DCC: variants seen among roughly 807,000 people sequenced by gnomAD.
The protein encoded by DCC is DCC netrin 1 receptor, also known as netrin receptor DCC.
A neutral mutation model predicts 172.5 loss-of-function variants in DCC; 58 were observed. The observed-to-expected ratio is 0.34, with a 90% confidence interval of 0.27 to 0.42. The LOEUF is 0.42. Among genes scored for constraint, DCC ranks in the 10% least tolerant of loss-of-function variants. The pLI is 1.00. For missense variants in DCC, 1,740 were observed against 1,791.0 expected (o/e 0.97, Z 0.51); for synonymous variants, 709 against 644.5 (o/e 1.10, Z -1.52).
chr18:53,093,452 T>C (rs2043042202), intron 7 of DCC, among the ~76,000 whole-genome samples: 2 of 152,096 alleles, frequency 1.3e-5, no homozygotes, highest in Admixed American at 1.3e-4. Flanking sequence ...TTTGGGAAAA[T>C]GATCATAAGG....
chr18:53,103,741 A>G lies in DCC; in HGVS notation c.1261+37575A>G, dbSNP rs1386078944. Among the ~76,000 whole-genome samples the G allele has an allele frequency of 3.3e-5, 5 of 152,130 alleles. No individual in the cohort carries two copies. In the East Asian group the frequency reaches 9.7e-4, roughly 29 times the overall value. On this transcript the variant is annotated intron_variant, in intron 7 of 28. Transcript: ENST00000442544. ...TTCTATTTCTTAATATTCTTAGAACAGTATTAAATTTATTAAGACATTAGG... is the reference window on the plus strand; with the variant it reads ...TTCTATTTCTTAATATTCTTAGAACGGTATTAAATTTATTAAGACATTAGG...
At chr18:53,465,891 A>C (rs1326834913) in intron 24 of DCC, among the ~76,000 whole-genome samples, 1 of 151,916 alleles carries the variant, frequency 6.6e-6, no homozygotes, top group Non-Finnish European at 1.5e-5. Flanking sequence ...CAGCCTCCCA[A>C]GTAGCTGGGA....
chr18:52,420,655 A>G (rs1308645097), intron 1 of DCC, among the ~76,000 whole-genome samples: 3 of 152,146 alleles, frequency 2.0e-5, no homozygotes, highest in Non-Finnish European at 4.4e-5. Context: ...AGATAGTAAC[A>G]ATAGTAATTG....
At chr18:53,234,429 A>T (rs2056170276) in intron 12 of DCC, among the ~76,000 whole-genome samples, 1 of 150,848 alleles carries the variant, frequency 6.6e-6, no homozygotes, top group African/African-American at 2.5e-5. Context: ...CCCTGTCTCA[A>T]ATTAAAAAAA....
chr18:52,486,927 T>C (rs2030253467), intron 1 of DCC, among the ~76,000 whole-genome samples: 1 of 152,196 alleles, frequency 6.6e-6, no homozygotes, highest in African/African-American at 2.4e-5. Flanking sequence ...CATATGCTAT[T>C]GTTCTCTGTA....
chr18:53,086,536 TCTTCTTCTTTCTTCTTCTTC>T (rs2042908682), intron 7 of DCC, among the ~76,000 whole-genome samples: 1 of 55,800 alleles, frequency 1.8e-5, no homozygotes, highest in Admixed American at 1.3e-4. Flanking sequence ...TCCTTCTTCT[TCTTCTTCTTTCTTCTTCTTC>T]CTTCTTCTTC....
chr18:52,726,219 A>T (rs1315464829), intron 1 of DCC, among the ~76,000 whole-genome samples: 1 of 152,214 alleles, frequency 6.6e-6, no homozygotes, highest in Non-Finnish European at 1.5e-5. Flanking sequence ...CTAATGTCAC[A>T]CACAGCTGGC....
intron 5 of DCC, among the ~76,000 whole-genome samples, chr18:52,931,277 A>T (rs2040303279): frequency 6.7e-6 from 1 of 148,980 alleles, no homozygotes; most frequent in South Asian, 2.1e-4. Context: ...CTTAAAATGG[A>T]TGATAAGAAA....
chr18:52,435,104 T>C (rs536321911), intron 1 of DCC, among the ~76,000 whole-genome samples: 1 of 152,352 alleles, frequency 6.6e-6, no homozygotes, highest in South Asian at 2.1e-4. Flanking sequence ...GGCCCTCACA[T>C]TCTGGCCCAA....
At chr18:52,857,291 A>G (rs1238638470) in intron 2 of DCC, among the ~76,000 whole-genome samples, 1 of 152,236 alleles carries the variant, frequency 6.6e-6, no homozygotes, top group African/African-American at 2.4e-5. Flanking sequence ...CTAAAGATAC[A>G]TGCTAATGGA....
chr18:53,199,028 C>T (rs1042839278), intron 9 of DCC, among the ~76,000 whole-genome samples: 10 of 151,602 alleles, frequency 6.6e-5, no homozygotes, highest in African/African-American at 2.4e-4. Flanking sequence ...AAGCTGTTAA[C>T]GGTATTGATT....
chr18:53,474,407 G>T (rs1452842398), intron 25 of DCC, among the ~76,000 whole-genome samples: 1 of 152,152 alleles, frequency 6.6e-6, no homozygotes, highest in South Asian at 2.1e-4. Context: ...AATCCATGGG[G>T]TTTAATATGG....
chr18:53,351,470 A>ATATATATATATATATATATATAGTGTG (rs2057811549), intron 15 of DCC, among the ~76,000 whole-genome samples: 1 of 35,246 alleles, frequency 2.8e-5, no homozygotes, highest in African/African-American at 1.3e-4. Context: ...CAGTGTGTAT[A>ATATATATATATATATATATATAGTGTG]TATATATATA....
chr18:52,841,286 T>TAAAAA (rs369740348), intron 2 of DCC, among the ~76,000 whole-genome samples: 1 of 147,688 alleles, frequency 6.8e-6, no homozygotes, highest in Admixed American at 6.7e-5. Flanking sequence ...GTTTTCTGCT[T>TAAAAA]AAAAAAAAAA....
intron 5 of DCC, among the ~76,000 whole-genome samples, chr18:52,996,654 A>C (rs2041484416): frequency 6.6e-6 from 1 of 152,080 alleles, no homozygotes; most frequent in African/African-American, 2.4e-5. Flanking sequence ...GTATGAGTAA[A>C]ATATTTAAAA....
At chr18:52,608,974 T>C (rs1006634080) in intron 1 of DCC, among the ~76,000 whole-genome samples, 1 of 152,150 alleles carries the variant, frequency 6.6e-6, no homozygotes, top group Admixed American at 6.6e-5. Context: ...GCAAATCCCA[T>C]AAACTCCAGT....
intron 2 of DCC, among the ~76,000 whole-genome samples, chr18:52,861,703 C>T (rs186309170): frequency 3.3e-5 from 5 of 152,188 alleles, no homozygotes; most frequent in East Asian, 1.9e-4. Context: ...TTCAGGACCA[C>T]GTAATTAACT....
At chr18:52,792,693 C>A (rs937417792) in intron 2 of DCC, among the ~76,000 whole-genome samples, 15 of 151,362 alleles carry the variant, frequency 9.9e-5, no homozygotes, top group African/African-American at 3.4e-4. Context: ...AAATGGCTGG[C>A]AGATGCCTGT....
At chr18:53,241,054 C>T (rs937787049) in intron 12 of DCC, among the ~76,000 whole-genome samples, 4 of 152,040 alleles carry the variant, frequency 2.6e-5, no homozygotes, top group African/African-American at 9.7e-5. Flanking sequence ...GATCTTTGAG[C>T]TTCTGAAAGG....
Sources: allele counts gnomAD v4.1 joint callset (sites outside exome capture counted in the v4.1 genomes callset), GRCh38; gene constraint gnomAD v4.1.1; transcripts MANE v1.5; gene names NCBI Gene and HGNC (gene_info 2026-07-23, HGNC 2026-07-21).